DPP6: variants seen among roughly 807,000 people sequenced by gnomAD.
DPP6 encodes the protein dipeptidyl peptidase like 6, also known as A-type potassium channel modulatory protein DPP6.
A neutral mutation model predicts 122.6 loss-of-function variants in DPP6; 69 were observed. The observed-to-expected ratio is 0.56, with a 90% CI of 0.46 to 0.69. The LOEUF (loss-of-function observed/expected upper bound fraction) is 0.69, where lower values mean the gene tolerates loss of function less well. Ranked by LOEUF, DPP6 falls within the 30% of genes least tolerant of loss-of-function variation. The pLI, the probability that DPP6 is intolerant of heterozygous loss-of-function variation, is 0.00. For missense variants in DPP6, 928 were observed against 1,116.9 expected (o/e 0.83, Z 2.41); for synonymous variants, 418 against 433.1 (o/e 0.97, Z 0.43).
the DPP6 span, among the ~76,000 whole-genome samples, chr7:153,782,287 C>T: frequency 1.4e-4 from 21 of 152,134 alleles, no homozygotes; most frequent in East Asian, 3.7e-3. Context: ...GATGACAGGA[C>T]TTTTCCTCTC....
At chr7:153,755,394 GTTCTTTCTCTACTC>G in the DPP6 span, among the ~76,000 whole-genome samples, 2 of 137,012 alleles carry the variant, frequency 1.5e-5, no homozygotes. Context: ...TTTTCTGTCA[GTTCTTTCTCTACTC>G]TTCTTTCATT....
At chr7:153,870,074 G>A in the DPP6 span, among the ~76,000 whole-genome samples, 1 of 152,156 alleles carries the variant, frequency 6.6e-6, no homozygotes, top group Non-Finnish European at 1.5e-5. Flanking sequence ...CTCTCTGGCT[G>A]CCCTTAACAT....
At chr7:154,532,357 A>C (rs991281824) in intron 3 of DPP6, among the ~76,000 whole-genome samples, 1 of 152,160 alleles carries the variant, frequency 6.6e-6, no homozygotes, top group Non-Finnish European at 1.5e-5. Flanking sequence ...CACAGGAAAA[A>C]TTTTAGCTTT....
At chr7:154,557,471 T>G (rs112136164) in intron 4 of DPP6, among the ~76,000 whole-genome samples, 5,112 of 152,256 alleles carry the variant, frequency 0.034, 109 homozygotes, top group African/African-American at 0.046. Flanking sequence ...CATTCATTTC[T>G]TCAGCAAACA....
At chr7:154,889,914 G>A (rs1806464479) in intron 25 of DPP6, 1 of 226,628 alleles carries the variant, frequency 4.4e-6, no homozygotes, top group Non-Finnish European at 8.6e-6. Flanking sequence ...TGGTGCTGGT[G>A]GGCCCTGAGC....
chr7:153,847,294 T>G, the DPP6 span, among the ~76,000 whole-genome samples: 1 of 152,240 alleles, frequency 6.6e-6, no homozygotes, highest in Admixed American at 6.5e-5. Flanking sequence ...ATTATCCCTC[T>G]CTTCACTCAC....
intron 1 of DPP6, among the ~76,000 whole-genome samples, chr7:154,431,415 C>T (rs67240868): frequency 2.0e-5 from 3 of 148,032 alleles, no homozygotes; most frequent in African/African-American, 2.5e-5. Context: ...GTCGTCAAAA[C>T]CTCATGTCAG....
the DPP6 span, among the ~76,000 whole-genome samples, chr7:153,773,618 T>C: frequency 8.9e-6 from 1 of 112,544 alleles, no homozygotes. Context: ...AACCTGCATG[T>C]CAAAAAGTTT....
chr7:154,063,722 C>T (rs1274533106), intron 1 of DPP6, among the ~76,000 whole-genome samples: 5 of 149,766 alleles, frequency 3.3e-5, no homozygotes, highest in Admixed American at 3.3e-4. Flanking sequence ...GAGAGCCAGC[C>T]CCTCTTCCCC....
intron 1 of DPP6, among the ~76,000 whole-genome samples, chr7:154,380,923 A>T (rs1214969293): frequency 6.6e-6 from 1 of 152,134 alleles, no homozygotes; most frequent in East Asian, 1.9e-4. Context: ...GTGAGGAGAG[A>T]TGGTGTTATC....
At chr7:154,001,627 G>C (rs200903878) in intron 1 of DPP6, among the ~76,000 whole-genome samples, 8,166 of 133,450 alleles carry the variant, frequency 0.061, no homozygotes, top group African/African-American at 0.094. Context: ...AGGCATATTA[G>C]GCCATCATGG....
In DPP6 at chr7:154,381,333, CAGTT is replaced by C. The variant is rs769295449; in HGVS notation, c.244-64877_244-64874del. ...ATTTTGAAGGAAGAGAAGGAACTAA[CAGTT>C]AGTGTTGTCAGTATTCTCAGAATTT... On this transcript the variant is annotated intron_variant, in intron 1 of 25. Coordinates refer to ENST00000377770, the MANE Select transcript of DPP6 (RefSeq NM_130797.4). 5.9e-5 allele frequency among the ~76,000 whole-genome samples: 9 copies of C among 152,304 alleles called. 1 individual carries two copies. The highest frequency in any genetic ancestry group is 4.6e-4 in the Admixed American group (7 of 15,302).
intron 1 of DPP6, among the ~76,000 whole-genome samples, chr7:154,148,031 G>A: frequency 6.7e-6 from 1 of 150,320 alleles, no homozygotes; most frequent in Non-Finnish European, 1.5e-5. Flanking sequence ...TCCGAGACCA[G>A]CACTCCATGA....
chr7:154,646,320 C>G (rs1836478156), intron 6 of DPP6, among the ~76,000 whole-genome samples: 1 of 152,100 alleles, frequency 6.6e-6, no homozygotes, highest in Non-Finnish European at 1.5e-5. Context: ...AAGAATGAAT[C>G]ACATCACGCA....
At chr7:154,109,407 C>T (rs1234431446) in intron 1 of DPP6, among the ~76,000 whole-genome samples, 5 of 152,160 alleles carry the variant, frequency 3.3e-5, no homozygotes, top group Non-Finnish European at 5.9e-5. Flanking sequence ...TTTCCTGTCT[C>T]AGCCTCCTGA....
At chr7:154,795,394 C>G (rs751770982) in intron 11 of DPP6, among the ~76,000 whole-genome samples, 8 of 152,156 alleles carry the variant, frequency 5.3e-5, no homozygotes, top group Non-Finnish European at 1.0e-4. Flanking sequence ...TGCTTTAGCC[C>G]CTTTGAAAGG....
At chr7:154,564,220 G>A (rs998743293) in intron 4 of DPP6, among the ~76,000 whole-genome samples, 1 of 152,076 alleles carries the variant, frequency 6.6e-6, no homozygotes, top group Non-Finnish European at 1.5e-5. Flanking sequence ...GAGTGGTGGG[G>A]GTGAGAGCAT....
intron 16 of DPP6, among the ~76,000 whole-genome samples, chr7:154,820,089 G>A (rs1176284966): frequency 6.6e-6 from 1 of 152,196 alleles, no homozygotes; most frequent in Non-Finnish European, 1.5e-5. Context: ...TCTCCACCTG[G>A]CATCAGAATC....
chr7:154,413,029 A>G (rs1336211166), intron 1 of DPP6, among the ~76,000 whole-genome samples: 1 of 152,176 alleles, frequency 6.6e-6, no homozygotes, highest in Non-Finnish European at 1.5e-5. Flanking sequence ...GTTCATGAGA[A>G]ATGCAGCTCA....
Sources: allele counts gnomAD v4.1 joint callset (sites outside exome capture counted in the v4.1 genomes callset), GRCh38; gene constraint gnomAD v4.1.1; transcripts MANE v1.5; gene names NCBI Gene and HGNC (gene_info 2026-07-23, HGNC 2026-07-21).